The following DHX35 variants were observed in gnomAD, a reference collection of about 807,000 sequenced individuals.
DHX35 encodes the protein probable ATP-dependent RNA helicase DHX35.
Under a neutral mutation model 99.6 loss-of-function variants are expected in DHX35, and 84 were observed. The observed-to-expected ratio is 0.84, with a 90% CI of 0.71 to 1.01. The LOEUF is 1.01. Ranked by LOEUF, DHX35 falls within the 50% of genes least tolerant of loss-of-function variation. The pLI, the probability that DHX35 is intolerant of heterozygous loss-of-function variation, is 0.00. For missense variants in DHX35, 852 were observed against 888.5 expected, an observed-to-expected ratio of 0.96 and a Z score of 0.52; for synonymous variants, 331 against 316.2, an observed-to-expected ratio of 1.05 and a Z score of -0.50.
At chr20:39,031,172 A>AAAG (rs1303587599) in intron 20 of DHX35, among the ~76,000 whole-genome samples, 1 of 151,978 alleles carries the variant, frequency 6.6e-6, no homozygotes, top group African/African-American at 2.4e-5. Context: ...AAAAAAAAAA[A>AAAG]AGAGAATTTC....
At chr20:38,977,316 G>T (rs144499176) in intron 3 of DHX35, among the ~76,000 whole-genome samples, 104 of 152,054 alleles carry the variant, frequency 6.8e-4, no homozygotes, top group African/African-American at 2.4e-3. Context: ...ATCTCATTGT[G>T]GTTTTGATTT....
At position 39,021,839 on chromosome 20, in the gene DHX35, A is replaced by C. The variant is rs765430808; in HGVS notation, c.1499-2A>C. The C allele has an allele frequency of 6.2e-7, 1 of 1,614,104 alleles. No individual in the cohort carries two copies. On this transcript the variant is annotated splice_acceptor_variant, in intron 15 of 21. Transcript: ENST00000252011. LOFTEE classifies it high-confidence loss of function. ...AAACCAAACATGCTTTTTGTTTTAC[A>C]GGAAACTTCGGCTGTTCTCAGGAAA...
chr20:39,018,222 C>T (rs1273465488), intron 14 of DHX35, among the ~76,000 whole-genome samples: 2 of 152,084 alleles, frequency 1.3e-5, no homozygotes, highest in African/African-American at 2.4e-5. Context: ...GGGCACAGGA[C>T]ACGGGATGCC....
Position 39,038,582 on chromosome 20 carries a change from C to T in DHX35, c.*39C>T. On this transcript the variant is annotated 3_prime_UTR_variant, in exon 22 of 22. Transcript: ENST00000252011. ...CTACAGCTGCAGGGACTGCTGGCGTCCTCTCCTCCATGCTGCTGCCCCTGG... is the reference window on the plus strand; with the variant it reads ...CTACAGCTGCAGGGACTGCTGGCGTTCTCTCCTCCATGCTGCTGCCCCTGG... 1 of 1,599,382 alleles carries T rather than the reference C, an allele frequency of 6.3e-7. No homozygotes were observed. Among genetic ancestry groups the T allele is most frequent in the Non-Finnish European group, 8.5e-7 (1 of 1,175,582 alleles).
At chr20:38,975,562 A>G (rs138901290) in intron 3 of DHX35, among the ~76,000 whole-genome samples, 1 of 152,354 alleles carries the variant, frequency 6.6e-6, no homozygotes, top group African/African-American at 2.4e-5. Flanking sequence ...GAACAGAGGT[A>G]AAAGACCACA....
intron 3 of DHX35, chr20:38,978,337 T>C: frequency 1.3e-6 from 1 of 748,810 alleles, no homozygotes; most frequent in Admixed American, 1.7e-5. Context: ...CTTAAAGTGA[T>C]CATCTTTGAT....
At chr20:38,991,273 A>G (rs902623117) in intron 5 of DHX35, among the ~76,000 whole-genome samples, 181 bp from the exon 6 acceptor site, 5 of 152,198 alleles carry the variant, frequency 3.3e-5, no homozygotes, top group African/African-American at 1.2e-4. Flanking sequence ...CCCTGTGTTT[A>G]AAGCCTTTTG....
At chr20:38,991,330 A>G in intron 5 of DHX35, 124 bp from the exon 6 acceptor site, 1 of 755,810 alleles carries the variant, frequency 1.3e-6, no homozygotes, top group Non-Finnish European at 2.0e-6. Context: ...GCATTTTCTC[A>G]CAGTCCTTTG....
intron 5 of DHX35, among the ~76,000 whole-genome samples, chr20:38,989,596 T>C (rs941353479): frequency 1.3e-5 from 2 of 152,174 alleles, no homozygotes; most frequent in Non-Finnish European, 2.9e-5. Context: ...ATGTGTATTT[T>C]ATTGTATTTT....
chr20:38,978,134 G>T, intron 3 of DHX35: 1 of 786,330 alleles, frequency 1.3e-6, no homozygotes, highest in South Asian at 1.3e-5. Flanking sequence ...AAGACCACCG[G>T]TGGTATTATT....
chr20:39,013,454 G>A (rs2086735215), intron 13 of DHX35, among the ~76,000 whole-genome samples: 1 of 152,198 alleles, frequency 6.6e-6, no homozygotes, highest in Admixed American at 6.5e-5. Flanking sequence ...TTCCAGATAT[G>A]TTAAAACAGT....
At chr20:38,972,277 C>T (rs1241140453) in intron 2 of DHX35, among the ~76,000 whole-genome samples, 8 of 152,140 alleles carry the variant, frequency 5.3e-5, no homozygotes, top group Non-Finnish European at 1.2e-4. Flanking sequence ...TCCCAAAGTG[C>T]TGGGATTGCA....
chr20:38,989,097 C>CTTTTTTTTTT (rs375064892), intron 5 of DHX35, among the ~76,000 whole-genome samples, 180 bp downstream of exon 5: 1 of 125,330 alleles, frequency 8.0e-6, no homozygotes, highest in African/African-American at 3.0e-5. Flanking sequence ...TTCCTTTTTT[C>CTTTTTTTTTT]TTTTTTTTTT....
chr20:39,008,180 G>A (rs142973844), intron 12 of DHX35, among the ~76,000 whole-genome samples: 1 of 152,128 alleles, frequency 6.6e-6, no homozygotes, highest in Admixed American at 6.5e-5. Flanking sequence ...TTAGCATAAT[G>A]GTTTTGAGGC....
chr20:38,972,576 A>G lies in DHX35; in HGVS notation c.192A>G (p.Leu64=), dbSNP rs2086018966. 2 of 1,610,496 alleles carry G rather than the reference A, an allele frequency of 1.2e-6. No individual in the cohort carries two copies. The highest frequency in any genetic ancestry group is 1.7e-6 in the Non-Finnish European group (2 of 1,177,082). ...TTTTTCAGCTTAGGAATCATATTTTATACTTGATAGAAAATTATCAGACAG... is the reference window on the plus strand; with the variant it reads ...TTTTTCAGCTTAGGAATCATATTTTGTACTTGATAGAAAATTATCAGACAG... ...LPVFKLRNHI[L]YLIENYQTVV... The change falls in exon 3 of 22, where the codon TTA becomes TTG. Residue 64 remains leucine, a synonymous_variant. Coordinates refer to ENST00000252011, the MANE Select transcript of DHX35 (RefSeq NM_021931.4).
chr20:38,993,986 C>A (rs988361474), intron 7 of DHX35, among the ~76,000 whole-genome samples: 16 of 152,172 alleles, frequency 1.1e-4, no homozygotes, highest in African/African-American at 3.6e-4. Context: ...GACCGGATTG[C>A]TGAAGCCCCT....
At chr20:39,003,175 A>G (rs576207695) in intron 10 of DHX35, among the ~76,000 whole-genome samples, 1 of 133,384 alleles carries the variant, frequency 7.5e-6, no homozygotes, top group East Asian at 2.4e-4. Context: ...CATTAGGTCC[A>G]TGTCCTGCAC....
At position 38,972,600 on chromosome 20, in the gene DHX35, A is replaced by C; in HGVS notation, c.216A>C (p.Thr72=). 6.2e-7 allele frequency: 1 copy of C among 1,612,048 alleles called. No homozygotes were observed. The highest frequency in any genetic ancestry group is 8.5e-7 in the Non-Finnish European group (1 of 1,178,368). ...HILYLIENYQ[T]VVIVGETGCG... ...TATACTTGATAGAAAATTATCAGAC[A>C]GTGGTGATTGTTGGTGAAACAGGAT... Residue 72 remains threonine (T), a synonymous_variant, in exon 3 of 22, where the codon ACA becomes ACC. Coordinates refer to ENST00000252011, the MANE Select transcript of DHX35 (RefSeq NM_021931.4).
In DHX35 at chr20:38,982,147, C is replaced by T. The variant is rs138604884; in HGVS notation, c.268-1552C>T. On this transcript the variant is annotated intron_variant, in intron 3 of 21. Coordinates refer to ENST00000252011, the MANE Select transcript of DHX35 (RefSeq NM_021931.4). ...TGAGTTTATGCAAATGCTTCTGATT[C>T]CAATCTAATACCATAGGGCTCTTTT... 3.3e-5 allele frequency among the ~76,000 whole-genome samples: 5 copies of T among 151,470 alleles called. No homozygotes were observed. In the East Asian group the frequency reaches 9.7e-4, roughly 29 times the overall value.
Sources: gnomAD v4.1 joint callset for allele counts (sites outside exome capture counted in the v4.1 genomes callset) on GRCh38, gnomAD v4.1.1 for gene constraint, MANE v1.5 for transcripts, NCBI Gene and HGNC (gene_info 2026-07-23, HGNC 2026-07-21) for gene names.